Variants in PEPD observed in about 807,000 individuals in gnomAD.
PEPD encodes the protein xaa-Pro dipeptidase.
Under a neutral mutation model 60.7 loss-of-function variants are expected in PEPD, and 53 were observed. That is an observed-to-expected ratio of 0.87 (90% CI 0.70 to 1.10). The LOEUF (loss-of-function observed/expected upper bound fraction) is 1.10. Ranked by LOEUF, PEPD falls within the 50% of genes least tolerant of loss-of-function variation. The probability of loss-of-function intolerance (pLI) is 0.00; values close to 1 mark genes in which losing one functional copy is unlikely to be tolerated. For missense variants in PEPD, 711 were observed against 711.9 expected (o/e 1.00, Z 0.01); for synonymous variants, 267 against 284.1 (o/e 0.94, Z 0.60).
chr19:33,472,087 G>A (rs1970130933), intron 7 of PEPD, among the ~76,000 whole-genome samples: 1 of 151,952 alleles, frequency 6.6e-6, no homozygotes, highest in Non-Finnish European at 1.5e-5. Flanking sequence ...CTTGAACCTG[G>A]GAGGCGGAAG....
At chr19:33,438,901 G>C (rs1969430897) in intron 9 of PEPD, among the ~76,000 whole-genome samples, 1 of 152,236 alleles carries the variant, frequency 6.6e-6, no homozygotes, top group African/African-American at 2.4e-5. Flanking sequence ...TGTATTTTTA[G>C]TAGAGATGGG....
intron 9 of PEPD, among the ~76,000 whole-genome samples, chr19:33,419,918 A>G (rs1968976414): frequency 6.6e-6 from 1 of 152,248 alleles, no homozygotes; most frequent in Admixed American, 6.5e-5. Flanking sequence ...ATCACAGGCA[A>G]GGGCAGCGGC....
In PEPD at chr19:33,512,718, T is replaced by C; in HGVS notation, c.76A>G (p.Asn26Asp). 6.2e-7 allele frequency: 1 copy of C among 1,614,024 alleles called. No individual in the cohort carries two copies. The highest frequency in any genetic ancestry group is 1.1e-5 in the South Asian group (1 of 91,086). The change falls in exon 2 of 15, where the codon AAC becomes GAC. Residue 26 changes from asparagine to aspartate, a missense_variant. By Grantham distance (23) the Asn-to-Asp change is conservative. Transcript: ENST00000244137. ...AGCCGCTCACACAGGCGCTGCCGGT[T>C]CAAGGCAAAGAGCGCCAGCGGCACC... The part of the protein sequence containing the change: ...LKVPLALFAL[N>D]RQRLCERLRK...
intron 9 of PEPD, among the ~76,000 whole-genome samples, chr19:33,457,841 A>G (rs1969833160): frequency 7.7e-6 from 1 of 129,906 alleles, no homozygotes; most frequent in Non-Finnish European, 1.6e-5. Flanking sequence ...AAACAAGAAA[A>G]CAAACAAACA....
chr19:33,488,203 T>G lies in PEPD; in HGVS notation c.503+1793A>C, dbSNP rs1970432795. Among the ~76,000 whole-genome samples, 4 of 152,204 alleles carry G rather than the reference T, an allele frequency of 2.6e-5. No homozygotes were observed. The South Asian group carries it at 8.3e-4, about 32-fold the overall frequency. On this transcript the variant is annotated intron_variant, in intron 6 of 14. Coordinates refer to ENST00000244137, the MANE Select transcript of PEPD (RefSeq NM_000285.4). ...GAGCCCACCTGGCCCACCACGCAGA[T>G]GGGGAGACTGAGGCACAGAGGAGCA...
chr19:33,512,893 C>T (rs1455300609), intron 1 of PEPD, 117 bp from the exon 2 acceptor site: 16 of 1,117,000 alleles, frequency 1.4e-5, no homozygotes, highest in East Asian at 4.9e-5. Context: ...CCCATCAGCA[C>T]GGGGCAAGCT....
chr19:33,460,601 C>T (rs1388168726), intron 9 of PEPD, among the ~76,000 whole-genome samples: 1 of 152,200 alleles, frequency 6.6e-6, no homozygotes, highest in African/African-American at 2.4e-5. Context: ...CACCCCCCTG[C>T]TCTAAGCTCT....
chr19:33,514,354 A>C (rs543248286), intron 1 of PEPD, among the ~76,000 whole-genome samples: 4 of 151,624 alleles, frequency 2.6e-5, no homozygotes, highest in South Asian at 4.2e-4. Context: ...CCTCACACTC[A>C]CCTCACATGG....
chr19:33,397,145 G>A (rs2145338053), intron 12 of PEPD, among the ~76,000 whole-genome samples: 1 of 152,274 alleles, frequency 6.6e-6, no homozygotes, highest in Admixed American at 6.5e-5. Context: ...CCAGGGTAGG[G>A]TCTCCGTCTG....
In PEPD at chr19:33,489,924, C is replaced by T. The variant is rs565775392; in HGVS notation, c.503+72G>A. The T allele has an allele frequency of 1.0e-4, 88 of 870,974 alleles. No individual in the cohort carries two copies. The African/African-American group carries it at 1.3e-3, about 13-fold the overall frequency. 54.0% of individuals were successfully genotyped at this position (870,974 alleles called of 1,614,324 possible). ...CATAGTTCATGTCTTATTTGTAGAC[C>T]GGGAAAGACCTGCTAGTGAAGGTGG... On this transcript the variant is annotated intron_variant, in intron 6 of 14. Coordinates refer to ENST00000244137, the MANE Select transcript of PEPD (RefSeq NM_000285.4).
intron 6 of PEPD, 49 bp from the exon 7 acceptor site, chr19:33,478,139 TC>T: frequency 1.5e-6 from 2 of 1,328,494 alleles, no homozygotes; most frequent in Non-Finnish European, 2.2e-6. Context: ...GTCTGTCATG[TC>T]CCAGCAAGAA....
intron 12 of PEPD, among the ~76,000 whole-genome samples, chr19:33,399,440 G>C (rs1968437998): frequency 1.3e-5 from 2 of 152,226 alleles, no homozygotes; most frequent in Non-Finnish European, 2.9e-5. Flanking sequence ...GGGTCCCCCT[G>C]CTTGCACTCA....
chr19:33,428,921 T>C (rs989018205), intron 9 of PEPD, among the ~76,000 whole-genome samples: 1 of 152,136 alleles, frequency 6.6e-6, no homozygotes. Flanking sequence ...TACGCACACA[T>C]CCACAGGCAG....
intron 3 of PEPD, among the ~76,000 whole-genome samples, chr19:33,507,757 C>T (rs969560039): frequency 7.9e-5 from 12 of 152,274 alleles, no homozygotes; most frequent in African/African-American, 2.9e-4. Context: ...GATCTGGCCA[C>T]TCCCCAGCTC....
intron 10 of PEPD, among the ~76,000 whole-genome samples, chr19:33,412,697 C>T (rs1968804688): frequency 6.6e-6 from 1 of 152,258 alleles, no homozygotes; most frequent in East Asian, 1.9e-4. Flanking sequence ...TCTCTCCATC[C>T]ACCAGAGAAG....
chr19:33,435,148 G>A (rs931802720), intron 9 of PEPD, among the ~76,000 whole-genome samples: 2 of 152,190 alleles, frequency 1.3e-5, no homozygotes, highest in African/African-American at 2.4e-5. Context: ...TCCAGGCAGA[G>A]GAGAGCAAAG....
chr19:33,420,428 C>T (rs1465076022), intron 9 of PEPD, among the ~76,000 whole-genome samples: 3 of 152,214 alleles, frequency 2.0e-5, no homozygotes, highest in Admixed American at 6.5e-5. Flanking sequence ...TGTGGCCGGG[C>T]GTGGTGGCTG....
At chr19:33,431,836 T>C (rs534566808) in intron 9 of PEPD, among the ~76,000 whole-genome samples, 1 of 151,270 alleles carries the variant, frequency 6.6e-6, no homozygotes, top group Admixed American at 6.6e-5. Flanking sequence ...CTACTAAAAA[T>C]ACAAAAATTA....
chr19:33,521,638 C>T (rs1891878537), intron 1 of PEPD, 106 bp downstream of exon 1: 3 of 1,229,834 alleles, frequency 2.4e-6, no homozygotes, highest in South Asian at 1.3e-5. Flanking sequence ...GGCGCCTACC[C>T]GCGGCATTCA....
Sources: gnomAD v4.1 joint callset for allele counts (sites outside exome capture counted in the v4.1 genomes callset) on GRCh38, gnomAD v4.1.1 for gene constraint, MANE v1.5 for transcripts, NCBI Gene and HGNC (gene_info 2026-07-23, HGNC 2026-07-21) for gene names.